GALNT9: variants seen among roughly 807,000 people sequenced by gnomAD.
GALNT9 encodes the protein polypeptide N-acetylgalactosaminyltransferase 9.
Under a neutral mutation model 63.1 loss-of-function variants are expected in GALNT9, and 47 were observed. The observed-to-expected ratio is 0.75, with a 90% CI of 0.59 to 0.95. GALNT9 has a LOEUF of 0.95. Among genes scored for constraint, GALNT9 ranks in the 40% least tolerant of loss-of-function variants. GALNT9 has a pLI of 0.00. For synonymous variants in GALNT9, 396 were observed against 365.7 expected (o/e 1.08, Z -0.94); for missense variants, 829 against 874.8 (o/e 0.95, Z 0.66).
At chr12:132,249,886 C>T (rs1234053077) in intron 5 of GALNT9, among the ~76,000 whole-genome samples, 4 of 152,176 alleles carry the variant, frequency 2.6e-5, no homozygotes, top group East Asian at 3.9e-4. Context: ...GGGGCGGTTC[C>T]GCCACACGCG....
rs1159092381 is a variant in GALNT9, at chr12:132,327,140, G to A, written c.238+1826C>T. 6.6e-6 allele frequency among the ~76,000 whole-genome samples: 1 copy of A among 152,134 alleles called. No homozygotes were observed. Among genetic ancestry groups the A allele is most frequent in the Non-Finnish European group, 1.5e-5 (1 of 68,022 alleles). ...AGATGGCAGGGGCCGTTCGGAGAAA[G>A]GCTGACAAGGGAGGACAGCTAGGAT... On this transcript the variant is annotated intron_variant, in intron 1 of 10. Coordinates refer to ENST00000328957, the MANE Select transcript of GALNT9 (RefSeq NM_001122636.2). This position sits in a 1 kb window ranked among gnomAD's most constrained non-coding sequence, Gnocchi z 4.3.
In GALNT9 at chr12:132,282,026, G is replaced by A. The variant is rs55660619; in HGVS notation, c.419+4224C>T. Among the ~76,000 whole-genome samples, 9 of 106,140 alleles carry A rather than the reference G, an allele frequency of 8.5e-5. No homozygotes were observed. The highest frequency in any genetic ancestry group is 1.7e-4 in the African/African-American group (4 of 23,420). 69.6% of individuals were successfully genotyped at this position (106,140 alleles called of 152,430 possible). On this transcript the variant is annotated intron_variant, in intron 2 of 10. Coordinates refer to ENST00000328957, the MANE Select transcript of GALNT9 (RefSeq NM_001122636.2). The surrounding 1 kb of genome is among the most constrained non-coding windows in gnomAD (Gnocchi z 4.5). ...AGCAAGGCCAGGCCTGGGGGTCCCCGATCCCACAGAGGAGGAATCAGCTCC... is the reference window on the plus strand; with the variant it reads ...AGCAAGGCCAGGCCTGGGGGTCCCCAATCCCACAGAGGAGGAATCAGCTCC...
intron 1 of GALNT9, among the ~76,000 whole-genome samples, chr12:132,289,542 A>T (rs1880729725): frequency 6.6e-6 from 1 of 152,138 alleles, no homozygotes; most frequent in Non-Finnish European, 1.5e-5. Flanking sequence ...CTTTGCCTGA[A>T]TCTGCTTCAT....
At position 132,257,835 on chromosome 12, in the gene GALNT9, C is replaced by T. The variant is rs1555239272; in HGVS notation, c.813G>A (p.Leu271=). The change falls in exon 5 of 11, where the codon CTG becomes CTA. Residue 271 remains leucine (L), a synonymous_variant. Transcript: ENST00000328957. ...RIREDRRRIV[L]PAIDNIKYST... ...TGTACTTGATGTTGTCGATGGCTGG[C>T]AGCACGATGCGACGCCGGTCCTCTC... 6.5e-7 allele frequency: 1 copy of T among 1,549,802 alleles called. No individual in the cohort carries two copies.
intron 1 of GALNT9, among the ~76,000 whole-genome samples, chr12:132,295,742 CA>C (rs1214952594): frequency 2.6e-5 from 4 of 152,164 alleles, no homozygotes; most frequent in East Asian, 1.9e-4. Flanking sequence ...GGAGAGCCTC[CA>C]AAAGGGAGAG....
chr12:132,214,242 G>A (rs554822166), intron 6 of GALNT9, among the ~76,000 whole-genome samples: 14 of 152,276 alleles, frequency 9.2e-5, no homozygotes, highest in African/African-American at 1.4e-4. Flanking sequence ...CCAGGCCAGC[G>A]ACTCCGCCCT....
intron 2 of GALNT9, chr12:132,276,630 T>C (rs1593099435): frequency 6.5e-6 from 1 of 154,514 alleles, no homozygotes; most frequent in East Asian, 1.9e-4. Flanking sequence ...CATGTTACTG[T>C]GCTGGGATGT....
In GALNT9 at chr12:132,286,402, C is replaced by T; in HGVS notation, c.267G>A (p.Glu89=). 3 of 1,550,508 alleles carry T rather than the reference C, an allele frequency of 1.9e-6. No individual in the cohort carries two copies. The highest frequency in any genetic ancestry group is 2.0e-5 in the Admixed American group (1 of 50,964). Reference sequence around the variant, plus strand: ...CACCCTGGCCCAGGCCTCCTGGCCCCTCCACCAGGCCGATGGGCTTGGCAA... The same window carrying T: ...CACCCTGGCCCAGGCCTCCTGGCCCTTCCACCAGGCCGATGGGCTTGGCAA... ...NGLAKPIGLV[E]GPGGLGQGGL... Residue 89 remains glutamate, a synonymous_variant, in exon 2 of 11, where the codon GAG becomes GAA. Transcript: ENST00000328957. This position sits in a 1 kb window ranked among gnomAD's most constrained non-coding sequence, Gnocchi z 7.4.
chr12:132,285,911 A>G, intron 2 of GALNT9, among the ~76,000 whole-genome samples: 1 of 152,236 alleles, frequency 6.6e-6, no homozygotes, highest in South Asian at 2.1e-4. Context: ...CAGGAGAGAC[A>G]GAGGAGGAGA....
At chr12:132,321,930 T>G (rs1555246179) in intron 1 of GALNT9, among the ~76,000 whole-genome samples, 1 of 151,238 alleles carries the variant, frequency 6.6e-6, no homozygotes, top group African/African-American at 2.4e-5. Flanking sequence ...ATCCTGCCTC[T>G]CCCCAGCCCC....
chr12:132,285,049 G>A (rs571389275), intron 2 of GALNT9, among the ~76,000 whole-genome samples: 3 of 152,352 alleles, frequency 2.0e-5, no homozygotes, highest in East Asian at 1.9e-4. Flanking sequence ...CCAGCCTCCT[G>A]ATCCCCATCT....
chr12:132,273,151 C>T (rs1729835780), intron 2 of GALNT9: 1 of 152,376 alleles, frequency 6.6e-6, no homozygotes, highest in South Asian at 2.1e-4. Flanking sequence ...GAGACAGAGT[C>T]CTACTCTGTT....
At chr12:132,244,834 G>A (rs1055169554) in intron 6 of GALNT9, among the ~76,000 whole-genome samples, 4 of 150,770 alleles carry the variant, frequency 2.7e-5, no homozygotes, top group African/African-American at 9.8e-5. Context: ...GGACGGGGGC[G>A]TGGTGATGGG....
chr12:132,306,514 T>C lies in GALNT9; in HGVS notation c.239-20084A>G, dbSNP rs187908378. Among the ~76,000 whole-genome samples, 265 of 152,186 alleles carry C rather than the reference T, an allele frequency of 1.7e-3. 1 individual carries two copies. The highest frequency in any genetic ancestry group is 6.0e-3 in the African/African-American group (247 of 41,512). On this transcript the variant is annotated intron_variant, in intron 1 of 10. Coordinates refer to ENST00000328957, the MANE Select transcript of GALNT9 (RefSeq NM_001122636.2). ...GGGGTCTAGACTGTGGGCAACAAGT[T>C]CTTAAGGCGAAGTCAGTTCGGACAT...
chr12:132,254,018 G>A (rs1365832694), intron 5 of GALNT9, among the ~76,000 whole-genome samples: 1 of 142,160 alleles, frequency 7.0e-6, no homozygotes, highest in Non-Finnish European at 1.5e-5. Flanking sequence ...GCCCTTCACT[G>A]TTTTTTCTTT....
Position 132,262,400 on chromosome 12 carries a change from C to G in GALNT9, c.586+59G>C, listed in dbSNP as rs1168032144. On this transcript the variant is annotated intron_variant, in intron 3 of 10. Coordinates refer to ENST00000328957, the MANE Select transcript of GALNT9 (RefSeq NM_001122636.2). ...CCCCGGAGGCTCCACCCAACCCCAACTCAACCCAGCCACAGGCAGCCGCCC... is the reference window on the plus strand; with the variant it reads ...CCCCGGAGGCTCCACCCAACCCCAAGTCAACCCAGCCACAGGCAGCCGCCC... 4 of 1,510,640 alleles carry G rather than the reference C, an allele frequency of 2.6e-6. No individual in the cohort carries two copies. The Admixed American group carries it at 8.2e-5, about 31-fold the overall frequency. The allele number at this position is 1,510,640 out of a possible 1,614,324, so 93.6% of individuals were successfully genotyped here. A position where few individuals can be genotyped will look rare whatever the true frequency, so the allele number is the denominator to read the frequency against.
intron 1 of GALNT9, among the ~76,000 whole-genome samples, chr12:132,300,114 C>G (rs1056572262): frequency 6.7e-6 from 1 of 149,386 alleles, no homozygotes; most frequent in East Asian, 2.0e-4. Context: ...GATAACTAAC[C>G]CACTCCCACC....
At chr12:132,209,958 T>TTAC (rs1431567842) in intron 6 of GALNT9, among the ~76,000 whole-genome samples, 2 of 152,226 alleles carry the variant, frequency 1.3e-5, no homozygotes, top group Non-Finnish European at 2.9e-5. Flanking sequence ...TGCTTTCACT[T>TTAC]TACTCTGTGG....
rs112482205 is a variant in GALNT9, at chr12:132,286,522, C to T, written c.239-92G>A. On this transcript the variant is annotated intron_variant, in intron 1 of 10. Coordinates refer to ENST00000328957, the MANE Select transcript of GALNT9 (RefSeq NM_001122636.2). This position sits in a 1 kb window ranked among gnomAD's most constrained non-coding sequence, Gnocchi z 7.4. ...CCCCTCCCGCCCCTCTCCCCGACGGCCGCTTCCCCCGGTACAAGCCCAGCA... is the reference window on the plus strand; with the variant it reads ...CCCCTCCCGCCCCTCTCCCCGACGGTCGCTTCCCCCGGTACAAGCCCAGCA... 32 of 1,448,374 alleles carry T rather than the reference C, an allele frequency of 2.2e-5. 1 individual carries two copies. Among genetic ancestry groups the T allele is most frequent in the African/African-American group, 2.1e-4 (15 of 70,186 alleles). The allele number at this position is 1,448,374 out of a possible 1,614,324, so 89.7% of individuals were successfully genotyped here.
Sources: allele counts gnomAD v4.1 joint callset (sites outside exome capture counted in the v4.1 genomes callset), GRCh38; gene constraint gnomAD v4.1.1; non-coding constraint Gnocchi (gnomAD v3.1); transcripts MANE v1.5; gene names NCBI Gene and HGNC (gene_info 2026-07-23, HGNC 2026-07-21).